The following WWOX variants were observed in gnomAD, a reference collection of about 807,000 sequenced individuals.
WWOX encodes the protein WW domain-containing oxidoreductase.
WWOX carries 69 observed loss-of-function variants against 46.2 expected under a neutral mutation model. That is an observed-to-expected ratio of 1.49 (90% confidence interval 1.23 to 1.82). The LOEUF (loss-of-function observed/expected upper bound fraction) is 1.82, where lower values mean the gene tolerates loss of function less well. WWOX is among the 40% of genes most tolerant of loss of function. WWOX has a pLI of 0.00. For synonymous variants in WWOX, 359 were observed against 202.6 expected (o/e 1.77, Z -6.56); for missense variants, 919 against 542.6 (o/e 1.69, Z -6.89).
At chr16:78,929,780 G>C (rs2045578634) in intron 8 of WWOX, among the ~76,000 whole-genome samples, 2 of 152,242 alleles carry the variant, frequency 1.3e-5, no homozygotes, top group Admixed American at 6.5e-5. Flanking sequence ...AAGGTGACCA[G>C]AATCTGACCT....
chr16:78,816,239 C>A (rs1329769880), intron 8 of WWOX, among the ~76,000 whole-genome samples: 6 of 152,132 alleles, frequency 3.9e-5, no homozygotes, highest in Non-Finnish European at 7.3e-5. Flanking sequence ...ACCAGGAAGC[C>A]AGAGAAAGAG....
chr16:78,780,902 G>C (rs1200765431), intron 8 of WWOX, among the ~76,000 whole-genome samples: 1 of 152,210 alleles, frequency 6.6e-6, no homozygotes, highest in Non-Finnish European at 1.5e-5. Context: ...CTGTCTGGCT[G>C]CCTTGGGGAG....
chr16:78,373,953 A>G (rs2081756363), intron 5 of WWOX, among the ~76,000 whole-genome samples: 1 of 152,040 alleles, frequency 6.6e-6, no homozygotes. Context: ...GGCCCGGCCA[A>G]TTTTTGTATT....
At chr16:78,487,157 C>T (rs889307105) in intron 8 of WWOX, among the ~76,000 whole-genome samples, 1 of 152,106 alleles carries the variant, frequency 6.6e-6, no homozygotes, top group African/African-American at 2.4e-5. Flanking sequence ...CTATGTTTTG[C>T]AATTTTCTTT....
intron 8 of WWOX, chr16:79,017,450 A>G (rs2047439498): frequency 6.9e-6 from 1 of 145,892 alleles, no homozygotes; most frequent in South Asian, 2.1e-4. Flanking sequence ...AAAAAAAAAA[A>G]AAAAAAAAAA....
intron 8 of WWOX, among the ~76,000 whole-genome samples, chr16:78,984,679 C>T (rs1338355402): frequency 3.3e-5 from 5 of 152,306 alleles, no homozygotes; most frequent in Middle Eastern, 6.8e-3. Flanking sequence ...CCTTAGGAAC[C>T]TTCTACCAAA....
At chr16:78,985,383 A>G (rs1388048003) in intron 8 of WWOX, among the ~76,000 whole-genome samples, 1 of 152,202 alleles carries the variant, frequency 6.6e-6, no homozygotes, top group South Asian at 2.1e-4. Flanking sequence ...CACAGGGCTA[A>G]TAGCAGTGTC....
chr16:78,831,232 C>T (rs1046721430), intron 8 of WWOX, among the ~76,000 whole-genome samples: 1 of 152,118 alleles, frequency 6.6e-6, no homozygotes, highest in African/African-American at 2.4e-5. Flanking sequence ...TCCCTCCAGC[C>T]CTCATTTCCC....
At chr16:78,587,435 C>T (rs571220295) in intron 8 of WWOX, among the ~76,000 whole-genome samples, 2 of 152,088 alleles carry the variant, frequency 1.3e-5, no homozygotes, top group African/African-American at 4.8e-5. Context: ...CAGCAACTCT[C>T]TTACAGATTT....
intron 8 of WWOX, among the ~76,000 whole-genome samples, chr16:78,569,502 C>T (rs906385954): frequency 2.6e-5 from 4 of 152,178 alleles, no homozygotes; most frequent in African/African-American, 4.8e-5. Flanking sequence ...CTTTTCGTAA[C>T]TGCAATTTTA....
chr16:78,290,247 G>C (rs1241132722), intron 5 of WWOX, among the ~76,000 whole-genome samples: 1 of 151,488 alleles, frequency 6.6e-6, no homozygotes. Flanking sequence ...AGCACTCTGC[G>C]AGCGGACATG....
At chr16:79,073,220 C>T (rs1237722300) in intron 8 of WWOX, among the ~76,000 whole-genome samples, 1 of 150,606 alleles carries the variant, frequency 6.6e-6, no homozygotes, top group Non-Finnish European at 1.5e-5. Flanking sequence ...TCTCTCTTTG[C>T]CCAGGCTGGA....
chr16:78,800,418 T>G (rs1053518384), intron 8 of WWOX, among the ~76,000 whole-genome samples: 1 of 152,186 alleles, frequency 6.6e-6, no homozygotes, highest in African/African-American at 2.4e-5. Flanking sequence ...AGGCTATGAT[T>G]GTGTAGGTGC....
chr16:78,893,571 T>G (rs2044637469), intron 8 of WWOX, among the ~76,000 whole-genome samples: 1 of 152,212 alleles, frequency 6.6e-6, no homozygotes, highest in Non-Finnish European at 1.5e-5. Context: ...CTTCCACTTC[T>G]GCCCACATGG....
At chr16:78,451,663 C>T (rs1011244525) in intron 8 of WWOX, among the ~76,000 whole-genome samples, 2 of 152,204 alleles carry the variant, frequency 1.3e-5, no homozygotes, top group Admixed American at 6.5e-5. Context: ...CAGGACACAG[C>T]TGAAACCTTT....
At chr16:79,211,034 AGTGTGTGTGT>A (rs58334968) in intron 8 of WWOX, among the ~76,000 whole-genome samples, 31 of 149,718 alleles carry the variant, frequency 2.1e-4, no homozygotes, top group African/African-American at 6.4e-4. Flanking sequence ...TATGGTGAGG[AGTGTGTGTGT>A]GTGTGTGTGT....
intron 8 of WWOX, among the ~76,000 whole-genome samples, chr16:79,079,695 G>A (rs73575116): frequency 1.8e-3 from 271 of 152,216 alleles, no homozygotes; most frequent in African/African-American, 5.7e-3. Context: ...TTTAATGATT[G>A]TAATTGTGAT....
intron 8 of WWOX, among the ~76,000 whole-genome samples, chr16:78,981,379 C>T (rs528944819): frequency 9.2e-5 from 14 of 151,676 alleles, no homozygotes; most frequent in African/African-American, 3.4e-4. Flanking sequence ...GGGACACGGA[C>T]AATGTGGGCA....
rs769518519 is a variant in WWOX, at chr16:78,347,379, C to T, written c.517-39481C>T. Among the ~76,000 whole-genome samples the T allele has an allele frequency of 5.1e-5, 6 of 118,172 alleles. 2 individuals are homozygous for T. The highest frequency in any genetic ancestry group is 1.0e-4 in the Non-Finnish European group (5 of 49,824). The allele number at this position is 118,172 out of a possible 152,430, so 77.5% of individuals were successfully genotyped here. On this transcript the variant is annotated intron_variant, in intron 5 of 8. Coordinates refer to ENST00000566780, the MANE Select transcript of WWOX (RefSeq NM_016373.4). The stretch of plus-strand genomic sequence containing the variant: ...TATCCATATGTCTAGTTCCAAGTAT[C>T]TGTCCATGGTGTTGGTCCCAGGTTA...
Sources: allele counts gnomAD v4.1 joint callset (sites outside exome capture counted in the v4.1 genomes callset), GRCh38; gene constraint gnomAD v4.1.1; transcripts MANE v1.5; gene names NCBI Gene and HGNC (gene_info 2026-07-23, HGNC 2026-07-21).